Variants in PPEF2 observed in about 807,000 individuals in gnomAD.
PPEF2 encodes protein phosphatase with EF-hand domain 2, also known as serine/threonine-protein phosphatase with EF-hands 2.
In PPEF2, 84 loss-of-function variants were observed where a neutral mutation model predicts 84.7. The observed-to-expected ratio is 0.99, with a 90% CI of 0.83 to 1.19. The LOEUF (loss-of-function observed/expected upper bound fraction) is 1.19. PPEF2 is among the 50% of genes most tolerant of loss of function. The pLI is 0.00. For missense variants in PPEF2, 924 were observed against 937.5 expected (o/e 0.99, Z 0.19); for synonymous variants, 346 against 345.2 (o/e 1.00, Z -0.03).
At position 75,873,322 on chromosome 4, in the gene PPEF2, C is replaced by G. The variant is rs370301684; in HGVS notation, c.1321-10G>C. 3.1e-6 allele frequency: 5 copies of G among 1,590,332 alleles called. No homozygotes were observed. Among genetic ancestry groups the G allele is most frequent in the Non-Finnish European group, 4.3e-6 (5 of 1,168,052 alleles). ...ACAGGATATCTACAACCTGAGAAGA[C>G]CAAGAGATGATTTCCTTCCCAAAAA... On this transcript the variant is annotated splice_polypyrimidine_tract_variant and intron_variant, in intron 11 of 16. Coordinates refer to ENST00000286719, the MANE Select transcript of PPEF2 (RefSeq NM_006239.3).
rs1560485446 is a variant in PPEF2, at chr4:75,884,646, T to C, written c.694A>G (p.Lys232Glu). The C allele has an allele frequency of 6.2e-7, 1 of 1,613,650 alleles. No homozygotes were observed. Among genetic ancestry groups the C allele is most frequent in the Non-Finnish European group, 8.5e-7 (1 of 1,179,844 alleles). ...ILFAFMLVYPKEFHLNRGNHE... is the reference protein window; with the variant it reads ...ILFAFMLVYPEEFHLNRGNHE... ...TTTCCTCTGTTAAGATGGAACTCTT[T>C]GGGGTAAACCAGCATGAAGGCAAAA... is the stretch of plus-strand genomic sequence containing the variant. Residue 232 changes from lysine to glutamate, a missense_variant, in exon 8 of 17, where the codon AAA becomes GAA. Lys to Glu is a moderately conservative substitution (Grantham distance 56, BLOSUM62 1). Coordinates refer to ENST00000286719, the MANE Select transcript of PPEF2 (RefSeq NM_006239.3).
At chr4:75,885,712 A>C (rs1724702307) in intron 7 of PPEF2, among the ~76,000 whole-genome samples, 1 of 152,088 alleles carries the variant, frequency 6.6e-6, no homozygotes. Context: ...AAAAATATAA[A>C]AAATTAGTCC....
intron 2 of PPEF2, 147 bp downstream of exon 2, chr4:75,896,124 C>G: frequency 1.2e-6 from 1 of 821,694 alleles, no homozygotes; most frequent in Non-Finnish European, 2.1e-6. Context: ...GTGGGCATGT[C>G]ACAAGGAGGA....
chr4:75,861,016 C>A (rs2149211885), intron 16 of PPEF2, 96 bp from the exon 17 acceptor site: 1 of 1,374,780 alleles, frequency 7.3e-7, no homozygotes, highest in Non-Finnish European at 1.0e-6. Context: ...CCCTACTGCT[C>A]AACAGAGAGA....
chr4:75,876,532 G>T lies in PPEF2; in HGVS notation c.1075C>A (p.Leu359Ile). The T allele has an allele frequency of 6.2e-7, 1 of 1,614,136 alleles. No individual in the cohort carries two copies. Among genetic ancestry groups the T allele is most frequent in the Admixed American group, 1.7e-5 (1 of 60,010 alleles). Residue 359 changes from leucine (L) to isoleucine (I), a missense_variant, in exon 11 of 17, where the codon CTT becomes ATT. Physicochemically the swap from Leu to Ile is conservative, Grantham distance 5. Coordinates refer to ENST00000286719, the MANE Select transcript of PPEF2 (RefSeq NM_006239.3). ...TGGGCCTTGTAGGAGCCAAGCCGAA[G>T]GGGCGAAGAGGGAAGAGAGCGGCTT... ...PESRSLPSSP[L>I]RLGSYKAQKT...
At chr4:75,883,297 T>A in intron 8 of PPEF2, 95 bp from the exon 9 acceptor site, 1 of 1,121,676 alleles carries the variant, frequency 8.9e-7, no homozygotes, top group South Asian at 1.3e-5. Flanking sequence ...TCTGGGTATA[T>A]GTACTTAAAT....
chr4:75,880,753 G>A (rs528060978), intron 10 of PPEF2, among the ~76,000 whole-genome samples: 39 of 151,742 alleles, frequency 2.6e-4, no homozygotes, highest in African/African-American at 9.2e-4. Flanking sequence ...CTTGAGCCCA[G>A]GAATTCAAGA....
At chr4:75,885,549 C>T (rs1490009627) in intron 7 of PPEF2, among the ~76,000 whole-genome samples, 1 of 152,144 alleles carries the variant, frequency 6.6e-6, no homozygotes, top group Non-Finnish European at 1.5e-5. Flanking sequence ...TTTGCTGCAA[C>T]AGAGTAGCAA....
Position 75,883,203 on chromosome 4 carries a change from C to A in PPEF2, c.747-1G>T, listed in dbSNP as rs1163008900. 1 of 1,612,806 alleles carries A rather than the reference C, an allele frequency of 6.2e-7. No individual in the cohort carries two copies. Among genetic ancestry groups the A allele is most frequent in the African/African-American group, 1.3e-5 (1 of 74,898 alleles). The stretch of plus-strand genomic sequence containing the variant: ...CATCACTTCCTTGGTGAAGCCATAT[C>A]TAGATTTAGAAGCACAAATAGATAT... On this transcript the variant is annotated splice_acceptor_variant, in intron 8 of 16. Transcript: ENST00000286719. LOFTEE classifies it high-confidence loss of function.
chr4:75,877,929 G>A (rs532487878), intron 10 of PPEF2, among the ~76,000 whole-genome samples: 2 of 152,228 alleles, frequency 1.3e-5, no homozygotes, highest in South Asian at 2.1e-4. Flanking sequence ...TTTTAGACAA[G>A]GATAGGAAAG....
chr4:75,864,057 G>A (rs1487702121), intron 16 of PPEF2, among the ~76,000 whole-genome samples: 2 of 151,842 alleles, frequency 1.3e-5, no homozygotes, highest in African/African-American at 4.8e-5. Flanking sequence ...GTTTTTAGTA[G>A]AGACTGGGTT....
rs1482106567 is a variant in PPEF2 at position 75,880,533 on chromosome 4, C to T, written c.933+2393G>A. 2.6e-5 allele frequency among the ~76,000 whole-genome samples: 4 copies of T among 152,194 alleles called. No homozygotes were observed. The East Asian group carries it at 7.7e-4, about 29-fold the overall frequency. The stretch of plus-strand genomic sequence containing the variant: ...TCGTTAGCATTCTTTCCCAGAGTTC[C>T]TTCTTCTATGTTTACATAATTAAAT... On this transcript the variant is annotated intron_variant, in intron 10 of 16. Coordinates refer to ENST00000286719, the MANE Select transcript of PPEF2 (RefSeq NM_006239.3).
At chr4:75,889,406 G>A (rs997265761) in intron 5 of PPEF2, among the ~76,000 whole-genome samples, 2 of 152,074 alleles carry the variant, frequency 1.3e-5, no homozygotes, top group African/African-American at 4.8e-5. Flanking sequence ...TTTTCCATGT[G>A]TTCCTCCCTC....
At chr4:75,874,831 C>T (rs747470059) in intron 11 of PPEF2, among the ~76,000 whole-genome samples, 1 of 152,106 alleles carries the variant, frequency 6.6e-6, no homozygotes, top group Non-Finnish European at 1.5e-5. Flanking sequence ...CTCTTTCTCA[C>T]TACCCTCCAT....
intron 8 of PPEF2, among the ~76,000 whole-genome samples, chr4:75,883,872 G>A (rs1387306764): frequency 6.8e-6 from 1 of 146,586 alleles, no homozygotes; most frequent in Non-Finnish European, 1.5e-5. Flanking sequence ...GCTCATGCGT[G>A]TTATCCCAGC....
At chr4:75,887,799 GA>G (rs1296358353) in intron 6 of PPEF2, among the ~76,000 whole-genome samples, 1 of 152,154 alleles carries the variant, frequency 6.6e-6, no homozygotes. Context: ...ATAAGATGGG[GA>G]AAACAGTCAT....
intron 15 of PPEF2, among the ~76,000 whole-genome samples, chr4:75,865,098 G>A (rs189315929): frequency 3.3e-5 from 5 of 151,856 alleles, no homozygotes; most frequent in South Asian, 4.2e-4. Flanking sequence ...CACCATGCCC[G>A]GCTAATTTTT....
At chr4:75,889,628 A>G (rs11725766) in intron 5 of PPEF2, among the ~76,000 whole-genome samples, 36,051 of 152,144 alleles carry the variant, frequency 0.24, 4,686 homozygotes, top group Non-Finnish European at 0.3. Context: ...ATGGAATGCC[A>G]GCCCCATAAG....
chr4:75,875,807 C>T (rs975958848), intron 11 of PPEF2, among the ~76,000 whole-genome samples: 2 of 152,008 alleles, frequency 1.3e-5, no homozygotes, highest in African/African-American at 2.4e-5. Flanking sequence ...GACAGAACTG[C>T]GGGTTTGGGG....
Sources: allele counts gnomAD v4.1 joint callset (sites outside exome capture counted in the v4.1 genomes callset), GRCh38; gene constraint gnomAD v4.1.1; transcripts MANE v1.5; gene names NCBI Gene and HGNC (gene_info 2026-07-23, HGNC 2026-07-21).